CLEC1A: variants seen among roughly 807,000 people sequenced by gnomAD.
The protein encoded by CLEC1A is C-type lectin-like receptor-1.
A neutral mutation model predicts 28.7 loss-of-function variants in CLEC1A; 34 were observed. The observed-to-expected ratio is 1.18, with a 90% CI of 0.90 to 1.57. The LOEUF (loss-of-function observed/expected upper bound fraction) is 1.57, where lower values mean the gene tolerates loss of function less well. Among genes scored for constraint, CLEC1A ranks in the 40% most tolerant of loss-of-function variants. The probability of loss-of-function intolerance (pLI) is 0.00; values close to 1 mark genes in which losing one functional copy is unlikely to be tolerated. For synonymous variants in CLEC1A, 116 were observed against 121.0 expected, an observed-to-expected ratio of 0.96 and a Z score of 0.27; for missense variants, 385 against 339.5, an observed-to-expected ratio of 1.13 and a Z score of -1.05.
chr12:10,094,936 T>G (rs1485637815), intron 1 of CLEC1A, among the ~76,000 whole-genome samples: 1 of 152,176 alleles, frequency 6.6e-6, no homozygotes, highest in Non-Finnish European at 1.5e-5. Flanking sequence ...TCACTTCCTC[T>G]GGGAACTCGC....
rs748749781 is a variant in CLEC1A at position 10,069,604 on chromosome 12, A to G, written c.*1729T>C. 1 of 152,346 alleles carries G rather than the reference A, an allele frequency of 6.6e-6. No individual in the cohort carries two copies. Among genetic ancestry groups the G allele is most frequent in the South Asian group, 2.1e-4 (1 of 4,830 alleles). The allele number at this position is 152,346 out of a possible 1,614,324, so 9.4% of individuals were successfully genotyped here. A position where few individuals can be genotyped will look rare whatever the true frequency, so the allele number is the denominator to read the frequency against. ...CTAACAGTAACATTATGAGGAAATT[A>G]TAATTATTTCTACTTCATATGCAGT... On this transcript the variant is annotated 3_prime_UTR_variant, in exon 6 of 6. Transcript: ENST00000315330.
At chr12:10,097,268 A>G (rs1947789772) in intron 1 of CLEC1A, among the ~76,000 whole-genome samples, 1 of 152,232 alleles carries the variant, frequency 6.6e-6, no homozygotes, top group African/African-American at 2.4e-5. Context: ...CTAAAAAATA[A>G]AAGTTGCCAG....
chr12:10,074,991 G>A (rs563291740), intron 4 of CLEC1A, among the ~76,000 whole-genome samples: 4 of 152,138 alleles, frequency 2.6e-5, no homozygotes, highest in Non-Finnish European at 4.4e-5. Flanking sequence ...CTTTAATTGC[G>A]TGTACTAACT....
chr12:10,079,842 GTAAAAA>G (rs752594898), intron 3 of CLEC1A, among the ~76,000 whole-genome samples: 75 of 151,884 alleles, frequency 4.9e-4, no homozygotes, highest in African/African-American at 1.7e-3. Flanking sequence ...AAAAATAAAA[GTAAAAA>G]TAAAAATAAA....
intron 3 of CLEC1A, among the ~76,000 whole-genome samples, chr12:10,078,692 A>T (rs1866303977): frequency 6.6e-6 from 1 of 152,218 alleles, no homozygotes; most frequent in South Asian, 2.1e-4. Context: ...GTTGGGGGCC[A>T]ACTTGGAAAT....
At chr12:10,079,189 A>G (rs939055064) in intron 3 of CLEC1A, among the ~76,000 whole-genome samples, 1 of 152,180 alleles carries the variant, frequency 6.6e-6, no homozygotes, top group African/African-American at 2.4e-5. Flanking sequence ...GTGTTTTGTC[A>G]GATATGCATC....
intron 2 of CLEC1A, among the ~76,000 whole-genome samples, chr12:10,085,967 C>T (rs1866484778): frequency 6.6e-6 from 1 of 152,018 alleles, no homozygotes; most frequent in African/African-American, 2.4e-5. Flanking sequence ...TTTAAGAAAA[C>T]TGAAATTATA....
chr12:10,096,932 G>T (rs914298453), intron 1 of CLEC1A, among the ~76,000 whole-genome samples: 1 of 151,976 alleles, frequency 6.6e-6, no homozygotes, highest in South Asian at 2.1e-4. Context: ...TTAAGCTCTC[G>T]GCTGTACTGT....
At chr12:10,094,888 T>C (rs2137374311) in intron 1 of CLEC1A, among the ~76,000 whole-genome samples, 1 of 152,260 alleles carries the variant, frequency 6.6e-6, no homozygotes. Flanking sequence ...CCTAATAGGA[T>C]CCCATTTTAC....
chr12:10,084,182 C>T (rs1339973197), intron 2 of CLEC1A: 1 of 152,220 alleles, frequency 6.6e-6, no homozygotes, highest in African/African-American at 2.4e-5. Flanking sequence ...ACACTAGAAG[C>T]TCAGGATGTA....
intron 5 of CLEC1A, 86 bp downstream of exon 5, chr12:10,073,207 C>A: frequency 1.0e-6 from 1 of 960,704 alleles, no homozygotes; most frequent in Non-Finnish European, 1.7e-6. Flanking sequence ...TTGATTAATA[C>A]TTGATGGACC....
chr12:10,089,098 T>TC, intron 2 of CLEC1A, 26 bp downstream of exon 2: 1 of 1,552,242 alleles, frequency 6.4e-7, no homozygotes, highest in Non-Finnish European at 8.9e-7. Flanking sequence ...ACCAGGATCC[T>TC]CCCCCAGGTC....
chr12:10,086,650 T>C (rs1866498114), intron 2 of CLEC1A, among the ~76,000 whole-genome samples: 1 of 152,100 alleles, frequency 6.6e-6, no homozygotes, highest in African/African-American at 2.4e-5. Flanking sequence ...AGTAGTGAAA[T>C]TGAAACAGTA....
At chr12:10,085,172 A>C (rs1224933140) in intron 2 of CLEC1A, among the ~76,000 whole-genome samples, 1 of 149,262 alleles carries the variant, frequency 6.7e-6, no homozygotes, top group Non-Finnish European at 1.5e-5. Flanking sequence ...GAAAGCATAA[A>C]TCTCACAGGA....
At chr12:10,091,782 T>C (rs572400537) in intron 1 of CLEC1A, among the ~76,000 whole-genome samples, 332 of 152,308 alleles carry the variant, frequency 2.2e-3, no homozygotes, top group Middle Eastern at 3.4e-3. Flanking sequence ...GATTCCATAG[T>C]TAAAAGTGCT....
intron 3 of CLEC1A, among the ~76,000 whole-genome samples, chr12:10,079,763 G>A (rs1291221221): frequency 6.6e-6 from 1 of 151,756 alleles, no homozygotes; most frequent in Non-Finnish European, 1.5e-5. Context: ...AGACCGCAGG[G>A]AGCCGAGATC....
intron 2 of CLEC1A, among the ~76,000 whole-genome samples, chr12:10,083,960 A>T (rs548132379): frequency 2.0e-5 from 3 of 151,784 alleles, no homozygotes; most frequent in Non-Finnish European, 4.4e-5. Context: ...GCTTGAAGAC[A>T]AGGCTTTTGA....
In CLEC1A at chr12:10,071,497, C is replaced by G. The variant is rs758214516; in HGVS notation, c.679G>C (p.Asp227His). Residue 227 changes from aspartate (D) to histidine (H), a missense_variant, in exon 6 of 6, where the codon GAT becomes CAT. Transcript: ENST00000315330. The stretch of plus-strand genomic sequence containing the variant: ...TCTCTGCTTCTTGGGCTGGTGACAT[C>G]TATTATAATATGGAACCTTAAGAAA... ...FTSELFHIIIDVTSPRSRDCV... is the reference protein window; with the variant it reads ...FTSELFHIIIHVTSPRSRDCV... 7 of 1,606,596 alleles carry G rather than the reference C, an allele frequency of 4.4e-6. No individual in the cohort carries two copies. The highest frequency in any genetic ancestry group is 1.3e-5 in the African/African-American group (1 of 74,600).
chr12:10,085,536 T>TAAAAAAAAA (rs71049044), intron 2 of CLEC1A, among the ~76,000 whole-genome samples: 8 of 128,712 alleles, frequency 6.2e-5, no homozygotes, highest in East Asian at 2.7e-4. Flanking sequence ...GCAAAAACAG[T>TAAAAAAAAA]AAAAAAAAAA....
Sources: gnomAD v4.1 joint callset for allele counts (sites outside exome capture counted in the v4.1 genomes callset) on GRCh38, gnomAD v4.1.1 for gene constraint, MANE v1.5 for transcripts, NCBI Gene and HGNC (gene_info 2026-07-23, HGNC 2026-07-21) for gene names.